Variants in RAPGEF5 observed in about 807,000 individuals in gnomAD.
RAPGEF5 encodes the protein M-Ras-regulated GEF.
A neutral mutation model predicts 125.2 loss-of-function variants in RAPGEF5; 65 were observed. The ratio of observed to expected loss-of-function variants is 0.52; its 90% CI spans 0.43 to 0.64. The LOEUF is 0.64. Ranked by LOEUF, RAPGEF5 falls within the 30% of genes least tolerant of loss-of-function variation. The pLI is 0.00. For missense variants in RAPGEF5, 958 were observed against 1,048.1 expected, an observed-to-expected ratio of 0.91 and a Z score of 1.19; for synonymous variants, 391 against 385.9, an observed-to-expected ratio of 1.01 and a Z score of -0.16.
intron 20 of RAPGEF5, among the ~76,000 whole-genome samples, chr7:22,143,095 C>T (rs1484354071): frequency 6.6e-6 from 1 of 152,158 alleles, no homozygotes; most frequent in Non-Finnish European, 1.5e-5. Flanking sequence ...ACATTAATTT[C>T]CCACTTATCC....
chr7:22,167,058 A>T lies in RAPGEF5; in HGVS notation c.1283+12T>A. ...GAAGTGGACACAGCAGCCTGAAGAT[A>T]ATGAAGGATATTGCCTTAACAGAGC... On this transcript the variant is annotated intron_variant, in intron 12 of 25. Coordinates refer to ENST00000665637, the MANE Select transcript of RAPGEF5 (RefSeq NM_012294.5). 6.3e-7 allele frequency: 1 copy of T among 1,597,216 alleles called. No individual in the cohort carries two copies. The highest frequency in any genetic ancestry group is 8.6e-7 in the Non-Finnish European group (1 of 1,165,334).
intron 1 of RAPGEF5, among the ~76,000 whole-genome samples, chr7:22,320,939 T>G (rs1209012852): frequency 6.6e-6 from 1 of 152,184 alleles, no homozygotes; most frequent in East Asian, 1.9e-4. Context: ...CAGGGTATCC[T>G]CTCTTAAATG....
At chr7:22,330,410 A>G (rs914650507) in intron 1 of RAPGEF5, among the ~76,000 whole-genome samples, 2 of 152,238 alleles carry the variant, frequency 1.3e-5, no homozygotes, top group Non-Finnish European at 2.9e-5. Context: ...GTGTAAAGGC[A>G]GACAGAAGAC....
intron 8 of RAPGEF5, among the ~76,000 whole-genome samples, chr7:22,221,583 G>A (rs1389567841): frequency 6.6e-6 from 1 of 152,150 alleles, no homozygotes; most frequent in Non-Finnish European, 1.5e-5. Context: ...AATCATAGGG[G>A]CAGGATTTTC....
intron 11 of RAPGEF5, among the ~76,000 whole-genome samples, chr7:22,185,917 C>A (rs896715401): frequency 6.6e-6 from 1 of 151,648 alleles, no homozygotes; most frequent in African/African-American, 2.4e-5. Context: ...TGCAGTGGTG[C>A]GATCTCAGCT....
intron 3 of RAPGEF5, among the ~76,000 whole-genome samples, chr7:22,312,208 A>G (rs946716943): frequency 8.8e-5 from 13 of 148,058 alleles, no homozygotes; most frequent in Admixed American, 7.4e-4. Flanking sequence ...CAGATTCCAC[A>G]TTCCTTTTTT....
chr7:22,259,916 T>C (rs1007241583), intron 7 of RAPGEF5, among the ~76,000 whole-genome samples: 1 of 152,104 alleles, frequency 6.6e-6, no homozygotes, highest in African/African-American at 2.4e-5. Flanking sequence ...TGAAACCCCG[T>C]CTACTGAAAA....
chr7:22,125,960 C>T (rs1235929912), intron 24 of RAPGEF5, among the ~76,000 whole-genome samples: 1 of 152,064 alleles, frequency 6.6e-6, no homozygotes. Flanking sequence ...CCAGCCTGGC[C>T]AATATGGCGA....
At chr7:22,343,906 A>T (rs1042436224) in intron 1 of RAPGEF5, among the ~76,000 whole-genome samples, 1 of 152,170 alleles carries the variant, frequency 6.6e-6, no homozygotes, top group African/African-American at 2.4e-5. Flanking sequence ...GTCTGCGGAA[A>T]AAAAAAAGCA....
chr7:22,303,994 G>A (rs957998430), intron 5 of RAPGEF5, among the ~76,000 whole-genome samples: 8 of 152,162 alleles, frequency 5.3e-5, no homozygotes, highest in African/African-American at 1.9e-4. Context: ...AATGGGATAG[G>A]ATCATGCATG....
intron 3 of RAPGEF5, among the ~76,000 whole-genome samples, chr7:22,312,278 G>C (rs910355090): frequency 6.6e-6 from 1 of 151,464 alleles, no homozygotes; most frequent in Admixed American, 6.6e-5. Context: ...GTGCGATCTC[G>C]GCTCACTGCA....
chr7:22,150,320 G>C, intron 18 of RAPGEF5, 87 bp downstream of exon 18: 1 of 1,343,404 alleles, frequency 7.4e-7, no homozygotes, highest in Admixed American at 2.3e-5. Context: ...CCATCTTCCT[G>C]CCTTGGCCTC....
chr7:22,274,487 G>T (rs550501581), intron 6 of RAPGEF5, among the ~76,000 whole-genome samples: 2 of 151,704 alleles, frequency 1.3e-5, no homozygotes, highest in South Asian at 4.2e-4. Context: ...ACACCACCAG[G>T]CCTGGCTAAT....
chr7:22,336,203 A>G lies in RAPGEF5; in HGVS notation c.232-18166T>C, dbSNP rs560195391. On this transcript the variant is annotated intron_variant, in intron 1 of 25. Transcript: ENST00000665637. ...TCTTCAGAAAGAGACCAATCTTTCT[A>G]AAGAAATGCTTTTGTCAACTGATGG... Among the ~76,000 whole-genome samples, 130 of 152,276 alleles carry G rather than the reference A, an allele frequency of 8.5e-4. 1 individual carries two copies. The highest frequency in any genetic ancestry group is 3.0e-3 in the African/African-American group (126 of 41,534).
rs1785838330 is a variant in RAPGEF5, at chr7:22,223,346, A to G, written c.871-3355T>C. Among the ~76,000 whole-genome samples, 3 of 152,192 alleles carry G rather than the reference A, an allele frequency of 2.0e-5. No homozygotes were observed. The South Asian group carries it at 6.2e-4, about 32-fold the overall frequency. On this transcript the variant is annotated intron_variant, in intron 8 of 25. Coordinates refer to ENST00000665637, the MANE Select transcript of RAPGEF5 (RefSeq NM_012294.5). ...AAAATAACTGACACTGAATTTGACA[A>G]AAGTAATTGGTAACTTTGAGTGGAG...
intron 9 of RAPGEF5, among the ~76,000 whole-genome samples, chr7:22,206,404 T>TA (rs1176144140): frequency 2.0e-5 from 3 of 152,124 alleles, no homozygotes; most frequent in Non-Finnish European, 4.4e-5. Flanking sequence ...ACAGCTATAT[T>TA]AAAAAATCCA....
Position 22,150,387 on chromosome 7 carries a change from A to C in RAPGEF5, c.1884+20T>G. On this transcript the variant is annotated intron_variant, in intron 18 of 25. Coordinates refer to ENST00000665637, the MANE Select transcript of RAPGEF5 (RefSeq NM_012294.5). ...CTCGCCTGGCCTGTTTGTTTCAAAT[A>C]CAAGGCTGAAGGTCCTTACCAAAGT... 6.3e-7 allele frequency: 1 copy of C among 1,597,386 alleles called. No individual in the cohort carries two copies. The highest frequency in any genetic ancestry group is 8.5e-7 in the Non-Finnish European group (1 of 1,174,180).
At chr7:22,133,648 A>G (rs1329292224) in intron 23 of RAPGEF5, among the ~76,000 whole-genome samples, 3 of 152,194 alleles carry the variant, frequency 2.0e-5, no homozygotes, top group Non-Finnish European at 4.4e-5. Context: ...TCTAAGACAC[A>G]TATATGAAAC....
intron 1 of RAPGEF5, 45 bp from the exon 2 acceptor site, chr7:22,318,082 T>C: frequency 6.7e-7 from 1 of 1,499,104 alleles, no homozygotes; most frequent in Non-Finnish European, 8.8e-7. Flanking sequence ...CCAAATAAAC[T>C]TTTGTACCAA....
Sources: gnomAD v4.1 joint callset for allele counts (sites outside exome capture counted in the v4.1 genomes callset) on GRCh38, gnomAD v4.1.1 for gene constraint, MANE v1.5 for transcripts, NCBI Gene and HGNC (gene_info 2026-07-23, HGNC 2026-07-21) for gene names.